The following ZNF729 variants were observed in gnomAD, a reference collection of about 807,000 sequenced individuals.
ZNF729 encodes the protein zinc finger protein 729.
In ZNF729, 15 loss-of-function variants were observed where a neutral mutation model predicts 12.2. The ratio of observed to expected loss-of-function variants is 1.23; its 90% CI spans 0.82 to 1.89. ZNF729 has a LOEUF of 1.89. Among genes scored for constraint, ZNF729 ranks in the 40% most tolerant of loss-of-function variants. The pLI, the probability that ZNF729 is intolerant of heterozygous loss-of-function variation, is 0.00. For missense variants in ZNF729, 1,540 were observed against 1,456.7 expected, an observed-to-expected ratio of 1.06 and a Z score of -0.93; for synonymous variants, 492 against 476.3, an observed-to-expected ratio of 1.03 and a Z score of -0.43.
chr19:22,288,841 C>T (rs563999927), intron 1 of ZNF729, among the ~76,000 whole-genome samples: 29 of 151,906 alleles, frequency 1.9e-4, no homozygotes, highest in Non-Finnish European at 3.7e-4. Flanking sequence ...AAAAATAGTG[C>T]GAATCTTTGA....
intron 1 of ZNF729, among the ~76,000 whole-genome samples, chr19:22,293,289 G>A (rs568762366): frequency 9.2e-5 from 14 of 152,064 alleles, no homozygotes; most frequent in African/African-American, 2.9e-4. Flanking sequence ...GGGTTCAAGC[G>A]ATTCTCCTGC....
intron 3 of ZNF729, among the ~76,000 whole-genome samples, chr19:22,307,501 C>A (rs112535242): frequency 6.6e-6 from 1 of 150,510 alleles, no homozygotes; most frequent in African/African-American, 2.4e-5. Context: ...CCCAGCACTT[C>A]GGGAGGCCAA....
chr19:22,314,077 C>A lies in ZNF729; in HGVS notation c.660C>A (p.Phe220Leu). The change falls in exon 4 of 4, where the codon TTC (phenylalanine) becomes TTA (leucine). Residue 220 changes from phenylalanine (F) to leucine (L), a missense_variant. Phe to Leu is a conservative substitution (Grantham distance 22). Coordinates refer to ENST00000601693, the MANE Select transcript of ZNF729 (RefSeq NM_001242680.2). ...AACGTGGCAAAGCCTTTAAATCGTT[C>A]TCAACCCTTACTAAACATAAGATAA... ...CEERGKAFKS[F>L]STLTKHKIIH... The A allele has an allele frequency of 1.3e-6, 2 of 1,545,254 alleles. No individual in the cohort carries two copies. The highest frequency in any genetic ancestry group is 1.2e-5 in the South Asian group (1 of 83,274).
intron 1 of ZNF729, among the ~76,000 whole-genome samples, chr19:22,294,650 T>C (rs978188591): frequency 2.7e-5 from 4 of 148,166 alleles, no homozygotes; most frequent in African/African-American, 7.5e-5. Context: ...TTTTTTTTTT[T>C]CTTTTTCTTT....
chr19:22,307,267 A>C (rs1242430957), intron 3 of ZNF729, among the ~76,000 whole-genome samples: 1 of 149,780 alleles, frequency 6.7e-6, no homozygotes, highest in Non-Finnish European at 1.5e-5. Context: ...TGGCCTCCTA[A>C]AGGTGTAGGA....
At position 22,314,509 on chromosome 19, in the gene ZNF729, A is replaced by G. The variant is rs765874267; in HGVS notation, c.1092A>G (p.Arg364=). 3.9e-4 allele frequency: 625 copies of G among 1,608,512 alleles called. 1 individual carries two copies. The highest frequency in any genetic ancestry group is 4.8e-4 in the Non-Finnish European group (562 of 1,178,572). ...GKAFSQSSTL[R]KHEIIHTGEK... ...CTTTTAGCCAGTCCTCAACCCTTAG[A>G]AAACATGAGATAATTCATACTGGAG... Residue 364 remains arginine (R), a synonymous_variant, in exon 4 of 4, where the codon AGA becomes AGG. Transcript: ENST00000601693.
At position 22,314,848 on chromosome 19, in the gene ZNF729, A is replaced by G. The variant is rs200439058; in HGVS notation, c.1431A>G (p.Arg477=). The G allele has an allele frequency of 1.2e-6, 2 of 1,613,710 alleles. No individual in the cohort carries two copies. Among genetic ancestry groups the G allele is most frequent in the East Asian group, 4.5e-5 (2 of 44,828 alleles). The change falls in exon 4 of 4, where the codon AGA becomes AGG. Residue 477 remains arginine (R), a synonymous_variant. Coordinates refer to ENST00000601693, the MANE Select transcript of ZNF729 (RefSeq NM_001242680.2). ...TTAGGCAATCCTCACACCTTACTAG[A>G]CATAAAGCAATTCATACTGGAGAGA... ...KAFRQSSHLT[R]HKAIHTGEKP...
In ZNF729 at chr19:22,316,686, C is replaced by G. The variant is rs1039368139; in HGVS notation, c.3269C>G (p.Ala1090Gly). 2.5e-6 allele frequency: 4 copies of G among 1,610,524 alleles called. No homozygotes were observed. In the Admixed American group the frequency reaches 6.7e-5, roughly 27 times the overall value. The part of the protein sequence containing the change: ...ECDKAFKHFS[A>G]LRKHKVIHTG... The stretch of plus-strand genomic sequence containing the variant: ...GACAAAGCTTTTAAGCATTTCTCAG[C>G]CCTTAGAAAACATAAGGTAATTCAT... Residue 1090 changes from alanine to glycine, a missense_variant, in exon 4 of 4, where the codon GCC (alanine) becomes GGC (glycine). Physicochemically the swap from Ala to Gly is moderately conservative, Grantham distance 60. Coordinates refer to ENST00000601693, the MANE Select transcript of ZNF729 (RefSeq NM_001242680.2).
In ZNF729 at chr19:22,316,038, A is replaced by T; in HGVS notation, c.2621A>T (p.His874Leu). Residue 874 changes from histidine to leucine, a missense_variant, in exon 4 of 4, where the codon CAT becomes CTT. Transcript: ENST00000601693. Reference protein sequence around the residue: ...SSSLRKHEIIHSGEKPYKCEE... With the variant: ...SSSLRKHEIILSGEKPYKCEE... ...TCCCTTAGAAAACATGAGATAATTC[A>T]TAGTGGAGAGAAACCATACAAATGT... 1 of 1,610,864 alleles carries T rather than the reference A, an allele frequency of 6.2e-7. No individual in the cohort carries two copies. Among genetic ancestry groups the T allele is most frequent in the Non-Finnish European group, 8.5e-7 (1 of 1,179,646 alleles).
Position 22,314,598 on chromosome 19 carries a change from A to G in ZNF729, c.1181A>G (p.His394Arg), listed in dbSNP as rs1399161487. Residue 394 changes from histidine to arginine, a missense_variant, in exon 4 of 4, where the codon CAT (histidine) becomes CGT (arginine). His to Arg is a conservative substitution (Grantham distance 29, BLOSUM62 0). Transcript: ENST00000601693. ...AAGTGGTCTTCAAAACTTACTGTAC[A>G]TAAGGTAGTTCATACTGGAGAGAAA... ...AFKWSSKLTV[H>R]KVVHTGEKPY... 6.2e-7 allele frequency: 1 copy of G among 1,611,992 alleles called. No homozygotes were observed. The highest frequency in any genetic ancestry group is 2.2e-5 in the East Asian group (1 of 44,846).
Position 22,316,245 on chromosome 19 carries a change from A to G in ZNF729, c.2828A>G (p.Lys943Arg), listed in dbSNP as rs1243706963. ...KKPYKCEECG[K>R]AFNDSSTLMK... ...CCCTACAAATGTGAAGAATGTGGCA[A>G]AGCTTTTAATGATTCCTCAACCCTT... Residue 943 changes from lysine (K) to arginine (R), a missense_variant, in exon 4 of 4, where the codon AAA becomes AGA. Coordinates refer to ENST00000601693, the MANE Select transcript of ZNF729 (RefSeq NM_001242680.2). 1.2e-6 allele frequency: 2 copies of G among 1,613,672 alleles called. No homozygotes were observed. The highest frequency in any genetic ancestry group is 1.3e-5 in the African/African-American group (1 of 74,922).
chr19:22,287,722 A>G (rs1439641414), intron 1 of ZNF729, among the ~76,000 whole-genome samples: 2 of 147,632 alleles, frequency 1.4e-5, no homozygotes, highest in Non-Finnish European at 3.0e-5. Context: ...GGAGAGTATT[A>G]TGTGTACTCC....
Position 22,314,289 on chromosome 19 carries a change from C to T in ZNF729, c.872C>T (p.Thr291Ile), listed in dbSNP as rs772055493. Residue 291 changes from threonine to isoleucine, a missense_variant, in exon 4 of 4, where the codon ACC (threonine) becomes ATC (isoleucine). Thr to Ile is a moderately conservative substitution (Grantham distance 89, BLOSUM62 -1). Transcript: ENST00000601693. ...DHKRIHTGEK[T>I]YKCEECGKAF... ...AAGAGAATTCATACTGGAGAGAAAACCTACAAATGTGAAGAATGTGGCAAA... is the reference window on the plus strand; with the variant it reads ...AAGAGAATTCATACTGGAGAGAAAATCTACAAATGTGAAGAATGTGGCAAA... 8 of 1,610,406 alleles carry T rather than the reference C, an allele frequency of 5.0e-6. No individual in the cohort carries two copies. The South Asian group carries it at 8.8e-5, about 18-fold the overall frequency.
rs758934712 is a variant in ZNF729, at chr19:22,316,413, A to G, written c.2996A>G (p.Lys999Arg). ...EKPYKCEECG[K>R]DFNNSSTLKK... The stretch of plus-strand genomic sequence containing the variant: ...CCCTACAAATGCGAAGAATGTGGCA[A>G]AGATTTTAACAATTCCTCAACCCTT... The change falls in exon 4 of 4, where the codon AAA (lysine) becomes AGA (arginine). Residue 999 changes from lysine (K) to arginine (R), a missense_variant. Coordinates refer to ENST00000601693, the MANE Select transcript of ZNF729 (RefSeq NM_001242680.2). 10 of 1,613,752 alleles carry G rather than the reference A, an allele frequency of 6.2e-6. No homozygotes were observed. The highest frequency in any genetic ancestry group is 8.5e-6 in the Non-Finnish European group (10 of 1,179,742).
At chr19:22,298,972 C>A (rs1348056151) in intron 1 of ZNF729, 1 of 152,194 alleles carries the variant, frequency 6.6e-6, no homozygotes, top group Non-Finnish European at 1.5e-5. Flanking sequence ...GATTATACAT[C>A]TTCATCAAAA....
In ZNF729 at chr19:22,316,633, A is replaced by G; in HGVS notation, c.3216A>G (p.Gly1072=). 1 of 1,612,810 alleles carries G rather than the reference A, an allele frequency of 6.2e-7. No homozygotes were observed. Among genetic ancestry groups the G allele is most frequent in the Non-Finnish European group, 8.5e-7 (1 of 1,179,760 alleles). The part of the protein sequence containing the change: ...KLTEHKVIHT[G]EKPCKCEECD... ...CTGAACATAAGGTAATTCATACTGG[A>G]GAGAAACCCTGCAAATGTGAAGAAT... Residue 1072 remains glycine (G), a synonymous_variant, in exon 4 of 4, where the codon GGA becomes GGG. Transcript: ENST00000601693.
In ZNF729 at chr19:22,316,307, T is replaced by G. The variant is rs753590194; in HGVS notation, c.2890T>G (p.Tyr964Asp). The change falls in exon 4 of 4, where the codon TAC becomes GAC. Residue 964 changes from tyrosine to aspartate, a missense_variant. Physicochemically the swap from Tyr to Asp is radical, Grantham distance 160 (BLOSUM62 -3). Coordinates refer to ENST00000601693, the MANE Select transcript of ZNF729 (RefSeq NM_001242680.2). ...GATAATTCATACTGGGAAGAAACCA[T>G]ACAAATGTGCAGAATGTGGCAAAGC... ...HKIIHTGKKP[Y>D]KCAECGKAFK... 6.2e-7 allele frequency: 1 copy of G among 1,613,654 alleles called. No homozygotes were observed. The highest frequency in any genetic ancestry group is 1.1e-5 in the South Asian group (1 of 91,060).
At chr19:22,293,483 G>A (rs930291742) in intron 1 of ZNF729, among the ~76,000 whole-genome samples, 1 of 107,034 alleles carries the variant, frequency 9.3e-6, no homozygotes, top group Non-Finnish European at 1.9e-5. Flanking sequence ...ACCACTCCTA[G>A]CCTTTTGTCT....
chr19:22,297,217 T>C (rs1010794226), intron 1 of ZNF729, among the ~76,000 whole-genome samples: 2 of 152,156 alleles, frequency 1.3e-5, no homozygotes, highest in Non-Finnish European at 2.9e-5. Context: ...CTACATCTCT[T>C]CTTAGGTCTC....
Sources: gnomAD v4.1 joint callset for allele counts (sites outside exome capture counted in the v4.1 genomes callset) on GRCh38, gnomAD v4.1.1 for gene constraint, MANE v1.5 for transcripts, NCBI Gene and HGNC (gene_info 2026-07-23, HGNC 2026-07-21) for gene names.